The following SRGAP1 variants were observed in gnomAD, a reference collection of about 807,000 sequenced individuals.
SRGAP1 encodes SLIT-ROBO Rho GTPase-activating protein 1.
Under a neutral mutation model 121.9 loss-of-function variants are expected in SRGAP1, and 43 were observed. That is an observed-to-expected ratio of 0.35 (90% CI 0.28 to 0.46). The LOEUF is 0.46. SRGAP1 is among the 20% of genes least tolerant of loss of function. The pLI is 1.00. For missense variants in SRGAP1, 1,102 were observed against 1,350.9 expected (o/e 0.82, Z 2.89); for synonymous variants, 447 against 485.4 (o/e 0.92, Z 1.04).
intron 1 of SRGAP1, among the ~76,000 whole-genome samples, chr12:63,940,104 G>C (rs899733710): frequency 2.0e-5 from 3 of 152,004 alleles, no homozygotes; most frequent in Admixed American, 6.6e-5. Context: ...TGAGATTACA[G>C]GCACCTCCCA....
At chr12:64,142,159 A>C in intron 21 of SRGAP1, 136 bp from the exon 22 acceptor site, 1 of 840,276 alleles carries the variant, frequency 1.2e-6, no homozygotes, top group South Asian at 1.7e-5. Flanking sequence ...TAATGTTTAC[A>C]TATTCTGCAG....
intron 1 of SRGAP1, among the ~76,000 whole-genome samples, chr12:63,846,219 G>GCTAT (rs1171588537): frequency 1.3e-5 from 2 of 152,160 alleles, no homozygotes; most frequent in Non-Finnish European, 1.5e-5. Context: ...TTGTTTCATT[G>GCTAT]CTATGGAAGT....
chr12:63,874,631 A>G (rs1205009930), intron 1 of SRGAP1, among the ~76,000 whole-genome samples: 1 of 152,146 alleles, frequency 6.6e-6, no homozygotes, highest in Non-Finnish European at 1.5e-5. Flanking sequence ...TTCTGAGGAA[A>G]AGGGAGGGAC....
rs2037085878 is a variant in SRGAP1, at chr12:64,148,586, G to A, written c.*5914G>A. 1 of 151,298 alleles carries A rather than the reference G, an allele frequency of 6.6e-6. No homozygotes were observed. Among genetic ancestry groups the A allele is most frequent in the African/African-American group, 2.4e-5 (1 of 40,868 alleles). 9.4% of individuals were successfully genotyped at this position (151,298 alleles called of 1,614,324 possible). A position where few individuals can be genotyped will look rare whatever the true frequency, so the allele number is the denominator to read the frequency against. Reference sequence around the variant, plus strand: ...AGGTGTGAGCCATTGCATCTGGCCAGGTATTTTTCTTTAAATATAAAAAAA... The same window carrying A: ...AGGTGTGAGCCATTGCATCTGGCCAAGTATTTTTCTTTAAATATAAAAAAA... On this transcript the variant is annotated 3_prime_UTR_variant, in exon 22 of 22. Coordinates refer to ENST00000355086, the MANE Select transcript of SRGAP1 (RefSeq NM_020762.4).
At chr12:63,873,651 A>G (rs1899931289) in intron 1 of SRGAP1, among the ~76,000 whole-genome samples, 1 of 149,550 alleles carries the variant, frequency 6.7e-6, no homozygotes, top group African/African-American at 2.4e-5. Flanking sequence ...TGCCATATAA[A>G]ATTAGATTTT....
intron 1 of SRGAP1, among the ~76,000 whole-genome samples, chr12:63,917,285 A>AAT (rs1229451964): frequency 6.6e-6 from 1 of 152,166 alleles, no homozygotes; most frequent in Non-Finnish European, 1.5e-5. Context: ...GAGTCGTCGG[A>AAT]ACCCCTGGGC....
intron 18 of SRGAP1, 148 bp downstream of exon 18, chr12:64,116,041 G>C (rs1397371216): frequency 1.1e-5 from 7 of 654,988 alleles, no homozygotes; most frequent in South Asian, 3.7e-5. Flanking sequence ...GATCACTTGA[G>C]CCCAGGAGTT....
chr12:64,005,741 A>G (rs1356111640), intron 3 of SRGAP1, among the ~76,000 whole-genome samples: 1 of 152,112 alleles, frequency 6.6e-6, no homozygotes, highest in Non-Finnish European at 1.5e-5. Flanking sequence ...TTATTATTTA[A>G]CAAGATCTAA....
intron 1 of SRGAP1, among the ~76,000 whole-genome samples, chr12:63,934,373 C>T (rs2031587349): frequency 6.6e-6 from 1 of 152,052 alleles, no homozygotes; most frequent in African/African-American, 2.4e-5. Flanking sequence ...GAGATGGCTT[C>T]CCCCATCTCT....
chr12:64,031,430 T>C (rs2034778468), intron 4 of SRGAP1, among the ~76,000 whole-genome samples: 1 of 152,046 alleles, frequency 6.6e-6, no homozygotes, highest in Non-Finnish European at 1.5e-5. Context: ...AGATAAAAAT[T>C]TGAAATCATG....
chr12:63,864,888 G>GA (rs901481015), intron 1 of SRGAP1, among the ~76,000 whole-genome samples: 1 of 150,132 alleles, frequency 6.7e-6, no homozygotes, highest in South Asian at 2.1e-4. Flanking sequence ...AAACATCTGT[G>GA]AAAAAAAAAT....
chr12:64,111,748 G>A lies in SRGAP1; in HGVS notation c.1920-14G>A, dbSNP rs776080794. 6 of 1,541,418 alleles carry A rather than the reference G, an allele frequency of 3.9e-6. No individual in the cohort carries two copies. In the East Asian group the frequency reaches 1.2e-4, roughly 30 times the overall value. On this transcript the variant is annotated splice_polypyrimidine_tract_variant and intron_variant, in intron 16 of 21. Coordinates refer to ENST00000355086, the MANE Select transcript of SRGAP1 (RefSeq NM_020762.4). ...TTTGTTCTTTTATAACTCCTTTCTT[G>A]TTTCCTTTTGTAGTCTATCACAGTA... is the stretch of plus-strand genomic sequence containing the variant.
intron 6 of SRGAP1, among the ~76,000 whole-genome samples, chr12:64,060,054 A>G (rs938216832): frequency 1.3e-5 from 2 of 152,022 alleles, no homozygotes; most frequent in African/African-American, 4.8e-5. Context: ...TAGACTTTTA[A>G]TGTGCATATG....
intron 6 of SRGAP1, among the ~76,000 whole-genome samples, chr12:64,052,921 G>C (rs943104975): frequency 2.6e-5 from 4 of 152,150 alleles, no homozygotes; most frequent in African/African-American, 9.7e-5. Context: ...ATCTTGCACA[G>C]TTGTTATACC....
intron 3 of SRGAP1, among the ~76,000 whole-genome samples, chr12:63,990,891 G>A (rs997266029): frequency 5.3e-5 from 8 of 152,144 alleles, no homozygotes; most frequent in South Asian, 2.1e-4. Flanking sequence ...GTGAGAGAGC[G>A]ACATGAAGAA....
At chr12:63,905,827 C>G (rs1003330252) in intron 1 of SRGAP1, among the ~76,000 whole-genome samples, 6 of 152,158 alleles carry the variant, frequency 3.9e-5, no homozygotes, top group Non-Finnish European at 7.3e-5. Flanking sequence ...TATGGAGATG[C>G]GCCTGAGTCA....
chr12:63,962,122 G>C (rs2032659440), intron 1 of SRGAP1, among the ~76,000 whole-genome samples: 1 of 152,042 alleles, frequency 6.6e-6, no homozygotes, highest in African/African-American at 2.4e-5. Flanking sequence ...TTTTGCTGAT[G>C]GTCATTATTT....
chr12:63,870,795 A>C (rs1174437111), intron 1 of SRGAP1, among the ~76,000 whole-genome samples: 1 of 152,226 alleles, frequency 6.6e-6, no homozygotes, highest in East Asian at 1.9e-4. Flanking sequence ...CCTGCCTCAC[A>C]ATATTCCTCC....
rs1208967366 is a variant in SRGAP1 at position 63,856,752 on chromosome 12, T to C, written c.67+11869T>C. On this transcript the variant is annotated intron_variant, in intron 1 of 21. Transcript: ENST00000355086. ...AGCTAAATCTTCCTTCTGTCTTCTT[T>C]TTCAGAAGTATCTTCTGATCTTGCT... Among the ~76,000 whole-genome samples, 3 of 152,360 alleles carry C rather than the reference T, an allele frequency of 2.0e-5. No homozygotes were observed. The East Asian group carries it at 5.8e-4, about 29-fold the overall frequency.
Sources: allele counts gnomAD v4.1 joint callset (sites outside exome capture counted in the v4.1 genomes callset), GRCh38; gene constraint gnomAD v4.1.1; transcripts MANE v1.5; gene names NCBI Gene and HGNC (gene_info 2026-07-23, HGNC 2026-07-21).